MAPKAP1: variants seen among roughly 807,000 people sequenced by gnomAD.
MAPKAP1 encodes the protein target of rapamycin complex 2 subunit MAPKAP1.
MAPKAP1 carries 20 observed loss-of-function variants against 65.7 expected under a neutral mutation model. The ratio of observed to expected loss-of-function variants is 0.30; its 90% CI spans 0.21 to 0.44. The LOEUF (loss-of-function observed/expected upper bound fraction) is 0.44. MAPKAP1 is among the 20% of genes least tolerant of loss of function. The pLI, the probability that MAPKAP1 is intolerant of heterozygous loss-of-function variation, is 1.00. For missense variants in MAPKAP1, 423 were observed against 648.0 expected (o/e 0.65, Z 3.77); for synonymous variants, 222 against 244.3 (o/e 0.91, Z 0.85).
At chr9:125,589,353 AATGT>A (rs1831884749) in intron 4 of MAPKAP1, among the ~76,000 whole-genome samples, 1 of 152,182 alleles carries the variant, frequency 6.6e-6, no homozygotes, top group African/African-American at 2.4e-5. Context: ...CCTTGAGAGC[AATGT>A]TAACGTCTGC....
intron 7 of MAPKAP1, among the ~76,000 whole-genome samples, chr9:125,535,651 T>A (rs1408884030): frequency 6.6e-6 from 1 of 152,238 alleles, no homozygotes; most frequent in African/African-American, 2.4e-5. Context: ...ATCATTACAC[T>A]CATATACACT....
At position 125,595,890 on chromosome 9, in the gene MAPKAP1, G is replaced by C; in HGVS notation, c.499-10163C>G. On this transcript the variant is annotated intron_variant, in intron 4 of 11. Coordinates refer to ENST00000265960, the MANE Select transcript of MAPKAP1 (RefSeq NM_001006617.3). The surrounding 1 kb of genome is among the most constrained non-coding windows in gnomAD (Gnocchi z 4.0). ...GAGGTGGATGCAGCCATGAATGCAA[G>C]GCCACACAAGGTGGATCGGAGTTGT... 8.4e-7 allele frequency: 1 copy of C among 1,193,346 alleles called. No individual in the cohort carries two copies. Among genetic ancestry groups the C allele is most frequent in the East Asian group, 2.3e-5 (1 of 43,060 alleles). 73.9% of individuals were successfully genotyped at this position (1,193,346 alleles called of 1,614,324 possible).
intron 8 of MAPKAP1, among the ~76,000 whole-genome samples, chr9:125,501,294 CTATT>C (rs1345399033): frequency 2.0e-5 from 3 of 152,202 alleles, no homozygotes; most frequent in African/African-American, 7.2e-5. Context: ...TGGGATTCAT[CTATT>C]TGTCTTGACA....
intron 4 of MAPKAP1, among the ~76,000 whole-genome samples, chr9:125,605,925 G>C (rs926540591): frequency 3.3e-5 from 5 of 152,100 alleles, no homozygotes; most frequent in Non-Finnish European, 7.4e-5. Context: ...TTGTCATCTT[G>C]AATTCAGGTA....
rs114718373 is a variant in MAPKAP1 at position 125,466,263 on chromosome 9, C to A, written c.1345+1709G>T. Among the ~76,000 whole-genome samples, 548 of 152,244 alleles carry A rather than the reference C, an allele frequency of 3.6e-3. 4 individuals are homozygous for A. The highest frequency in any genetic ancestry group is 0.013 in the African/African-American group (528 of 41,538). ...TTCAAGGGGAGGCCTTATGCCCAAC[C>A]TTCCCCCACCACCCACCCCGTACCC... On this transcript the variant is annotated intron_variant, in intron 10 of 11. Transcript: ENST00000265960.
At chr9:125,638,256 G>C (rs1833482032) in intron 4 of MAPKAP1, among the ~76,000 whole-genome samples, 1 of 152,204 alleles carries the variant, frequency 6.6e-6, no homozygotes, top group African/African-American at 2.4e-5. Context: ...ACATGAAGCA[G>C]AGAGACCAGC....
At chr9:125,655,801 G>T (rs1834017981) in intron 4 of MAPKAP1, among the ~76,000 whole-genome samples, 1 of 152,196 alleles carries the variant, frequency 6.6e-6, no homozygotes, top group African/African-American at 2.4e-5. Context: ...GCATAATGGT[G>T]ACTGCTCTGC....
intron 1 of MAPKAP1, among the ~76,000 whole-genome samples, chr9:125,680,776 G>A (rs1834798972): frequency 6.6e-6 from 1 of 152,166 alleles, no homozygotes; most frequent in Non-Finnish European, 1.5e-5. Flanking sequence ...TTCAGCAGAG[G>A]AGCTGTGTCA....
At chr9:125,491,033 G>A (rs1854691781) in intron 8 of MAPKAP1, among the ~76,000 whole-genome samples, 1 of 151,782 alleles carries the variant, frequency 6.6e-6, no homozygotes, top group South Asian at 2.1e-4. Flanking sequence ...AGCTACTCTG[G>A]AGGCTGAGGC....
intron 5 of MAPKAP1, among the ~76,000 whole-genome samples, chr9:125,569,054 C>T (rs558223203): frequency 1.3e-5 from 2 of 152,280 alleles, no homozygotes; most frequent in East Asian, 1.9e-4. Context: ...GGGTAAAACA[C>T]GGGCTTAGAA....
At chr9:125,698,946 T>C (rs1006935067) in intron 1 of MAPKAP1, among the ~76,000 whole-genome samples, 1 of 152,196 alleles carries the variant, frequency 6.6e-6, no homozygotes, top group African/African-American at 2.4e-5. Context: ...CTCACTCTTT[T>C]ATGACCACTC....
chr9:125,678,988 A>C (rs764850553), intron 1 of MAPKAP1, among the ~76,000 whole-genome samples: 2 of 136,988 alleles, frequency 1.5e-5, no homozygotes, highest in Admixed American at 8.3e-5. Flanking sequence ...AAGTTACAAT[A>C]GTCATAATAA....
chr9:125,455,177 C>A (rs1853118676), intron 10 of MAPKAP1, among the ~76,000 whole-genome samples: 1 of 152,334 alleles, frequency 6.6e-6, no homozygotes, highest in South Asian at 2.1e-4. Context: ...TATGTAGCTT[C>A]TCTGAGCCCC....
chr9:125,632,056 C>G (rs576602960), intron 4 of MAPKAP1, among the ~76,000 whole-genome samples: 26 of 152,046 alleles, frequency 1.7e-4, no homozygotes, highest in Admixed American at 1.5e-3. Flanking sequence ...TCCATCTCTA[C>G]TAAAAATACA....
intron 5 of MAPKAP1, among the ~76,000 whole-genome samples, chr9:125,577,092 G>T (rs1251059879): frequency 1.9e-4 from 29 of 151,726 alleles, no homozygotes; most frequent in African/African-American, 6.8e-4. Context: ...CTTCCCGGCC[G>T]CCATCCCATC....
chr9:125,649,017 G>C (rs829310), intron 4 of MAPKAP1, among the ~76,000 whole-genome samples: 151,458 of 152,344 alleles, frequency 0.99, 75,295 homozygotes, highest in Middle Eastern at 1. Flanking sequence ...GCTAGGTGGA[G>C]CCTAGGCTGT....
At position 125,438,873 on chromosome 9, in the gene MAPKAP1, G is replaced by A. The variant is rs923743216; in HGVS notation, c.*14C>T. ...GCTCTGAGCTACGGAACAGATTGAG[G>A]CTGGAGGCCAGTGTCACTGCTGCCC... On this transcript the variant is annotated 3_prime_UTR_variant, in exon 12 of 12. Coordinates refer to ENST00000265960, the MANE Select transcript of MAPKAP1 (RefSeq NM_001006617.3). 1.9e-6 allele frequency: 3 copies of A among 1,614,150 alleles called. No homozygotes were observed. The highest frequency in any genetic ancestry group is 2.5e-6 in the Non-Finnish European group (3 of 1,179,992).
chr9:125,478,589 CA>C (rs1328709360), intron 9 of MAPKAP1, among the ~76,000 whole-genome samples: 1 of 152,192 alleles, frequency 6.6e-6, no homozygotes, highest in Admixed American at 6.5e-5. Flanking sequence ...CTTGGCCTCC[CA>C]AAGTGCTGGG....
intron 8 of MAPKAP1, among the ~76,000 whole-genome samples, chr9:125,492,723 G>T (rs1346989569): frequency 6.6e-6 from 1 of 152,130 alleles, no homozygotes; most frequent in African/African-American, 2.4e-5. Flanking sequence ...AGTCTAAAAG[G>T]CCCCAATCTA....
Sources: allele counts gnomAD v4.1 joint callset (sites outside exome capture counted in the v4.1 genomes callset), GRCh38; gene constraint gnomAD v4.1.1; non-coding constraint Gnocchi (gnomAD v3.1); transcripts MANE v1.5; gene names NCBI Gene and HGNC (gene_info 2026-07-23, HGNC 2026-07-21).